ERC1: variants seen among roughly 807,000 people sequenced by gnomAD.
ERC1 encodes the protein RAB6 interacting protein 2.
In ERC1, 56 loss-of-function variants were observed where a neutral mutation model predicts 132.0. The observed-to-expected ratio is 0.42, with a 90% CI of 0.34 to 0.53. The LOEUF (loss-of-function observed/expected upper bound fraction) is 0.53, where lower values mean the gene tolerates loss of function less well. Ranked by LOEUF, ERC1 falls within the 20% of genes least tolerant of loss-of-function variation. The pLI is 0.03. For missense variants in ERC1, 1,202 were observed against 1,349.9 expected (o/e 0.89, Z 1.72); for synonymous variants, 478 against 476.1 (o/e 1.00, Z -0.05).
At chr12:1,168,959 A>G (rs2154264784) in intron 8 of ERC1, among the ~76,000 whole-genome samples, 1 of 152,310 alleles carries the variant, frequency 6.6e-6, no homozygotes, top group East Asian at 1.9e-4. Context: ...CTTAAAGTTT[A>G]TCCATGAACT....
At position 1,100,467 on chromosome 12, in the gene ERC1, T is replaced by A. The variant is rs1944538657; in HGVS notation, c.1087-4283T>A. On this transcript the variant is annotated intron_variant, in intron 3 of 18. Transcript: ENST00000360905. ...AAAAAGATCACTCTAGATGCTCTAT[T>A]GTGAATGGTGAGATAGATTTGGGAG... Among the ~76,000 whole-genome samples the A allele has an allele frequency of 2.0e-5, 3 of 152,282 alleles. No homozygotes were observed. In the South Asian group the frequency reaches 6.2e-4, roughly 32 times the overall value.
At chr12:1,120,121 A>T (rs1350482013) in intron 7 of ERC1, among the ~76,000 whole-genome samples, 1 of 151,992 alleles carries the variant, frequency 6.6e-6, no homozygotes, top group Non-Finnish European at 1.5e-5. Flanking sequence ...TTGAGTAGCT[A>T]GGACTACAGA....
intron 2 of ERC1, among the ~76,000 whole-genome samples, chr12:1,042,263 T>A (rs571165652): frequency 1.3e-5 from 2 of 151,470 alleles, no homozygotes; most frequent in South Asian, 4.2e-4. Flanking sequence ...GGTCTTAACC[T>A]CCAGACCTGG....
In ERC1 at chr12:1,224,467, A is replaced by G. The variant is rs535524351; in HGVS notation, c.2352-12302A>G. ...AAGATAGGAGATTTAAAATATGAAA[A>G]GAAAATGGATTAAGAAAATCAAAGA... On this transcript the variant is annotated intron_variant, in intron 12 of 18. Coordinates refer to ENST00000360905, the MANE Select transcript of ERC1 (RefSeq NM_178040.4). Among the ~76,000 whole-genome samples the G allele has an allele frequency of 7.7e-4, 118 of 152,314 alleles. 1 individual carries two copies. Among genetic ancestry groups the G allele is most frequent in the African/African-American group, 2.7e-3 (111 of 41,566 alleles).
chr12:1,245,767 G>C (rs2076118348), intron 13 of ERC1, among the ~76,000 whole-genome samples: 1 of 152,158 alleles, frequency 6.6e-6, no homozygotes, highest in African/African-American at 2.4e-5. Flanking sequence ...CATGGCCTTA[G>C]ATATGAATAC....
intron 15 of ERC1, among the ~76,000 whole-genome samples, chr12:1,364,484 C>G (rs2086466806): frequency 1.3e-5 from 2 of 152,192 alleles, no homozygotes; most frequent in African/African-American, 2.4e-5. Flanking sequence ...GCCACCATTC[C>G]AGACCATCTC....
chr12:1,195,445 G>A (rs903261338), intron 12 of ERC1, among the ~76,000 whole-genome samples: 1 of 152,156 alleles, frequency 6.6e-6, no homozygotes, highest in Non-Finnish European at 1.5e-5. Context: ...AGTAGATTCA[G>A]ATTTTTTAAA....
At chr12:1,045,356 G>A (rs1592918834) in intron 2 of ERC1, among the ~76,000 whole-genome samples, 1 of 152,148 alleles carries the variant, frequency 6.6e-6, no homozygotes, top group Non-Finnish European at 1.5e-5. Flanking sequence ...AGATTTGTCA[G>A]TGAAAATGAT....
At chr12:1,203,770 T>C (rs7976525) in intron 12 of ERC1, among the ~76,000 whole-genome samples, 4,134 of 152,298 alleles carry the variant, frequency 0.027, 85 homozygotes, top group Non-Finnish European at 0.042. Flanking sequence ...TAATGAACTG[T>C]AAGGGCTACA....
At chr12:1,058,036 T>A (rs1973327025) in intron 2 of ERC1, among the ~76,000 whole-genome samples, 1 of 152,126 alleles carries the variant, frequency 6.6e-6, no homozygotes, top group Non-Finnish European at 1.5e-5. Context: ...GTTTTTTTGT[T>A]TGTTTTTGCT....
rs999146417 is a variant in ERC1, at chr12:1,050,242, C to T, written c.669+21670C>T. Among the ~76,000 whole-genome samples the T allele has an allele frequency of 5.3e-5, 8 of 152,148 alleles. 1 individual carries two copies. Among genetic ancestry groups the T allele is most frequent in the Admixed American group, 3.9e-4 (6 of 15,272 alleles). On this transcript the variant is annotated intron_variant, in intron 2 of 18. Coordinates refer to ENST00000360905, the MANE Select transcript of ERC1 (RefSeq NM_178040.4). ...CCAAAAAAGAAAGGATGGAACAGGA[C>T]GTCAGGATAAGATCTAAGACTTGAA...
At chr12:1,217,971 A>G (rs1213208651) in intron 12 of ERC1, among the ~76,000 whole-genome samples, 1 of 152,182 alleles carries the variant, frequency 6.6e-6, no homozygotes, top group Non-Finnish European at 1.5e-5. Flanking sequence ...CATTGAATTT[A>G]TGGCCACAGA....
At chr12:1,051,272 C>T (rs952221998) in intron 2 of ERC1, among the ~76,000 whole-genome samples, 2 of 152,070 alleles carry the variant, frequency 1.3e-5, no homozygotes, top group Admixed American at 6.6e-5. Context: ...AAAACACTCT[C>T]CTAAGGTAAT....
intron 15 of ERC1, among the ~76,000 whole-genome samples, chr12:1,305,770 A>G (rs1377799280): frequency 1.3e-5 from 2 of 151,964 alleles, no homozygotes; most frequent in Non-Finnish European, 2.9e-5. Flanking sequence ...ATTTTTGTCA[A>G]CTGTTATTTT....
intron 2 of ERC1, among the ~76,000 whole-genome samples, chr12:1,062,732 C>T (rs183287164): frequency 9.0e-4 from 137 of 152,256 alleles, no homozygotes; most frequent in African/African-American, 3.2e-3. Flanking sequence ...CCATTTGGTC[C>T]ATAGTTCCAC....
At chr12:1,083,128 G>A (rs372076875) in intron 2 of ERC1, 36 bp from the exon 3 acceptor site, 1 of 1,558,312 alleles carries the variant, frequency 6.4e-7, no homozygotes, top group East Asian at 2.2e-5. Flanking sequence ...GAGGAGGAAA[G>A]CTGATTTGGG....
intron 2 of ERC1, among the ~76,000 whole-genome samples, chr12:1,076,541 C>T (rs35580664): frequency 0.23 from 34,370 of 151,622 alleles, 4,271 homozygotes; most frequent in Middle Eastern, 0.29. Context: ...TTTACAGGCG[C>T]GCACCACCAT....
At chr12:1,137,144 G>A (rs146671222) in intron 7 of ERC1, among the ~76,000 whole-genome samples, 255 of 145,196 alleles carry the variant, frequency 1.8e-3, no homozygotes, top group African/African-American at 6.2e-3. Flanking sequence ...CTGTTGGCAG[G>A]CTGGAGTGCA....
At chr12:1,359,134 T>C (rs11061710) in intron 15 of ERC1, among the ~76,000 whole-genome samples, 27,418 of 152,180 alleles carry the variant, frequency 0.18, 5,295 homozygotes, top group African/African-American at 0.49. Flanking sequence ...AGAAAAAGCA[T>C]AACAGCTTCA....
Sources: allele counts gnomAD v4.1 joint callset (sites outside exome capture counted in the v4.1 genomes callset), GRCh38; gene constraint gnomAD v4.1.1; transcripts MANE v1.5; gene names NCBI Gene and HGNC (gene_info 2026-07-23, HGNC 2026-07-21).